The following EFCAB13 variants were observed in gnomAD, a reference collection of about 807,000 sequenced individuals.
EFCAB13 encodes EF-hand calcium-binding domain-containing protein 13.
EFCAB13 carries 91 observed loss-of-function variants against 110.2 expected under a neutral mutation model. The ratio of observed to expected loss-of-function variants is 0.83; its 90% CI spans 0.70 to 0.98. EFCAB13 has a LOEUF of 0.98. EFCAB13 is among the 50% of genes least tolerant of loss of function. The pLI is 0.00. For missense variants in EFCAB13, 968 were observed against 1,119.4 expected, an observed-to-expected ratio of 0.86 and a Z score of 1.93; for synonymous variants, 323 against 369.9, an observed-to-expected ratio of 0.87 and a Z score of 1.45.
intron 14 of EFCAB13, among the ~76,000 whole-genome samples, chr17:47,383,985 C>T (rs2065661124): frequency 2.0e-5 from 3 of 152,142 alleles, no homozygotes; most frequent in African/African-American, 4.8e-5. Context: ...TATCTTTGTA[C>T]GTCTCAAAGA....
intron 22 of EFCAB13, 38 bp from the exon 23 acceptor site, chr17:47,414,810 G>C (rs201926121): frequency 7.3e-7 from 1 of 1,379,304 alleles, no homozygotes; most frequent in Non-Finnish European, 1.0e-6. Context: ...TTCAGTATCA[G>C]GTTTTTAATG....
rs1459767547 is a variant in EFCAB13 at position 47,330,222 on chromosome 17, A to ATTTAGAAGCAATATAGC, written c.30+1842_30+1858dup. Among the ~76,000 whole-genome samples the ATTTAGAAGCAATATAGC allele has an allele frequency of 2.6e-5, 4 of 151,856 alleles. No individual in the cohort carries two copies. In the East Asian group the frequency reaches 7.7e-4, roughly 29 times the overall value. On this transcript the variant is annotated intron_variant, in intron 4 of 24. Transcript: ENST00000331493. The stretch of plus-strand genomic sequence containing the variant: ...TTTGGGGGGGTGGGGAGTGGTGTCT[A>ATTTAGAAGCAATATAGC]TTTAGAAGCAATATAGCTTCTTTTT...
At chr17:47,437,896 A>C (rs1905242124) in intron 24 of EFCAB13, among the ~76,000 whole-genome samples, 1 of 152,040 alleles carries the variant, frequency 6.6e-6, no homozygotes, top group Non-Finnish European at 1.5e-5. Flanking sequence ...TTGTGCTTAA[A>C]AATGTTCTGT....
rs145974095 is a variant in EFCAB13 at position 47,414,867 on chromosome 17, A to G, written c.2442A>G (p.Leu814=). 235 of 1,606,620 alleles carry G rather than the reference A, an allele frequency of 1.5e-4. No individual in the cohort carries two copies. The highest frequency in any genetic ancestry group is 1.8e-4 in the Non-Finnish European group (217 of 1,175,082). Residue 814 remains leucine (L), a synonymous_variant, in exon 23 of 25, where the codon TTA becomes TTG. Coordinates refer to ENST00000331493, the MANE Select transcript of EFCAB13 (RefSeq NM_152347.5). ...TTCCAGATAATATGGAGGTGGATTT[A>G]AAAGATTTCTTAATGAAAATGAAAG... ...CNVSDNMEVD[L]KDFLMKMKES...
At chr17:47,358,781 G>A (rs1421916721) in intron 9 of EFCAB13, among the ~76,000 whole-genome samples, 1 of 152,132 alleles carries the variant, frequency 6.6e-6, no homozygotes, top group Non-Finnish European at 1.5e-5. Context: ...TGGAGTACTG[G>A]TTTTCAATGC....
intron 14 of EFCAB13, among the ~76,000 whole-genome samples, chr17:47,389,315 T>C (rs1437566971): frequency 6.6e-6 from 1 of 152,164 alleles, no homozygotes; most frequent in African/African-American, 2.4e-5. Flanking sequence ...AGATGGCAGG[T>C]GTGAGCCACT....
rs374607066 is a variant in EFCAB13 at position 47,394,762 on chromosome 17, G to T, written c.1801+663G>T. The stretch of plus-strand genomic sequence containing the variant: ...TACCTTACAATATAAGATTTAATTT[G>T]TCTCCTATATAGGGGTATATCATAC... On this transcript the variant is annotated intron_variant, in intron 16 of 24. Transcript: ENST00000331493. Among the ~76,000 whole-genome samples the T allele has an allele frequency of 4.6e-5, 7 of 152,194 alleles. No homozygotes were observed. In the East Asian group the frequency reaches 1.2e-3, roughly 25 times the overall value.
intron 23 of EFCAB13, among the ~76,000 whole-genome samples, chr17:47,417,354 G>A (rs1312812354): frequency 6.6e-6 from 1 of 152,154 alleles, no homozygotes; most frequent in African/African-American, 2.4e-5. Context: ...CTTGTCTGAC[G>A]TTATTGGCTT....
At chr17:47,387,799 C>T (rs1475710573) in intron 14 of EFCAB13, among the ~76,000 whole-genome samples, 1 of 152,142 alleles carries the variant, frequency 6.6e-6, no homozygotes, top group Non-Finnish European at 1.5e-5. Flanking sequence ...TTTTGGTCTT[C>T]CCAGGGTATA....
At chr17:47,380,880 C>CTTTTTTTTTT (rs751480738) in intron 14 of EFCAB13, among the ~76,000 whole-genome samples, 12 of 122,934 alleles carry the variant, frequency 9.8e-5, no homozygotes, top group East Asian at 2.4e-4. Context: ...ATTGCTTCTT[C>CTTTTTTTTTT]TTTTTTTTTT....
intron 9 of EFCAB13, among the ~76,000 whole-genome samples, chr17:47,353,933 G>C (rs1307981110): frequency 6.6e-6 from 1 of 151,900 alleles, no homozygotes; most frequent in Admixed American, 6.6e-5. Context: ...GGTTTGGTTT[G>C]TTCTTGTTTC....
At chr17:47,398,343 C>A (rs1598750360) in intron 17 of EFCAB13, among the ~76,000 whole-genome samples, 1 of 150,774 alleles carries the variant, frequency 6.6e-6, no homozygotes, top group South Asian at 2.2e-4. Flanking sequence ...GCCCGGCCAC[C>A]ACCCCGTCTG....
chr17:47,336,279 G>A (rs931205521), intron 5 of EFCAB13, among the ~76,000 whole-genome samples: 9 of 147,978 alleles, frequency 6.1e-5, no homozygotes, highest in South Asian at 2.1e-4. Flanking sequence ...GGCGTGCGCC[G>A]TCACACTCGG....
chr17:47,356,324 T>C (rs897937894), intron 9 of EFCAB13, among the ~76,000 whole-genome samples: 1 of 152,202 alleles, frequency 6.6e-6, no homozygotes, highest in African/African-American at 2.4e-5. Flanking sequence ...GGGTAGACTA[T>C]ATCAGAGGGA....
rs374035281 is a variant in EFCAB13, at chr17:47,398,303, C to T, written c.1945+2326C>T. Among the ~76,000 whole-genome samples, 956 of 140,710 alleles carry T rather than the reference C, an allele frequency of 6.8e-3. 5 individuals are homozygous for T. Among genetic ancestry groups the T allele is most frequent in the Middle Eastern group, 0.019 (5 of 264 alleles). The allele number at this position is 140,710 out of a possible 152,430, so 92.3% of individuals were successfully genotyped here. On this transcript the variant is annotated intron_variant, in intron 17 of 24. Coordinates refer to ENST00000331493, the MANE Select transcript of EFCAB13 (RefSeq NM_152347.5). Reference sequence around the variant, plus strand: ...GAGGTGAGGGGCGCCTCTGCCCGGCCGCCCCTACTGGGAAGTGAGGAGCCC... The same window carrying T: ...GAGGTGAGGGGCGCCTCTGCCCGGCTGCCCCTACTGGGAAGTGAGGAGCCC...
intron 4 of EFCAB13, among the ~76,000 whole-genome samples, chr17:47,333,492 T>G (rs2065331780): frequency 6.6e-6 from 1 of 152,212 alleles, no homozygotes; most frequent in East Asian, 1.9e-4. Flanking sequence ...TTATAGAGTC[T>G]TATCCAACAA....
intron 11 of EFCAB13, 117 bp from the exon 12 acceptor site, chr17:47,374,355 T>C (rs950325969): frequency 2.1e-6 from 2 of 940,488 alleles, no homozygotes; most frequent in African/African-American, 3.5e-5. Flanking sequence ...GTTTGTTTTA[T>C]ATGTTTAAGA....
intron 8 of EFCAB13, among the ~76,000 whole-genome samples, chr17:47,345,758 A>G (rs749571752): frequency 1.8e-4 from 28 of 152,058 alleles, no homozygotes; most frequent in Non-Finnish European, 3.8e-4. Flanking sequence ...TTTATTTAGA[A>G]TTTTATTTCC....
intron 14 of EFCAB13, among the ~76,000 whole-genome samples, chr17:47,388,424 G>A (rs962327022): frequency 6.6e-6 from 1 of 152,170 alleles, no homozygotes; most frequent in Admixed American, 6.5e-5. Context: ...TTCAGCTTCA[G>A]ATGTGAGTTC....
Sources: allele counts gnomAD v4.1 joint callset (sites outside exome capture counted in the v4.1 genomes callset), GRCh38; gene constraint gnomAD v4.1.1; transcripts MANE v1.5; gene names NCBI Gene and HGNC (gene_info 2026-07-23, HGNC 2026-07-21).